TCTN1: variants seen among roughly 807,000 people sequenced by gnomAD.
The protein encoded by TCTN1 is tectonic family member 1.
In TCTN1, 58 loss-of-function variants were observed where a neutral mutation model predicts 65.8. The ratio of observed to expected loss-of-function variants is 0.88; its 90% confidence interval spans 0.71 to 1.10. The LOEUF (loss-of-function observed/expected upper bound fraction) is 1.10, where lower values mean the gene tolerates loss of function less well. Among genes scored for constraint, TCTN1 ranks in the 50% least tolerant of loss-of-function variants. TCTN1 has a pLI of 0.00. For synonymous variants in TCTN1, 273 were observed against 289.1 expected (o/e 0.94, Z 0.57); for missense variants, 645 against 719.4 (o/e 0.90, Z 1.18).
chr12:110,615,312 C>T (rs975019850), intron 1 of TCTN1, among the ~76,000 whole-genome samples: 2 of 152,084 alleles, frequency 1.3e-5, no homozygotes, highest in African/African-American at 4.8e-5. Context: ...ATGACTGTGA[C>T]CCGCTAAGAT....
At chr12:110,629,014 G>A in intron 4 of TCTN1, 96 bp downstream of exon 4, 2 of 1,415,914 alleles carry the variant, frequency 1.4e-6, no homozygotes, top group African/African-American at 2.8e-5. Context: ...GGTTCCTTGA[G>A]ACAGAGTTGA....
intron 4 of TCTN1, among the ~76,000 whole-genome samples, chr12:110,630,685 A>G (rs1307718726): frequency 6.6e-6 from 1 of 152,204 alleles, no homozygotes; most frequent in East Asian, 1.9e-4. Context: ...AAATATGTCT[A>G]TTATAATGTA....
intron 1 of TCTN1, among the ~76,000 whole-genome samples, chr12:110,619,406 C>G (rs2065264968): frequency 6.6e-6 from 1 of 152,112 alleles, no homozygotes; most frequent in Non-Finnish European, 1.5e-5. Flanking sequence ...GTGGGCCCTT[C>G]CTCTGAATCG....
Position 110,644,865 on chromosome 12 carries a change from C to T in TCTN1, c.1332-102C>T. ...TGGGCATCAGAGTGAGACCTTATCT[C>T]AAAAATAAATAAACAAAGGGAAGGA... On this transcript the variant is annotated intron_variant, in intron 11 of 14. Transcript: ENST00000397659. The surrounding 1 kb of genome is among the most constrained non-coding windows in gnomAD (Gnocchi z 4.6). The T allele has an allele frequency of 2.0e-6, 3 of 1,521,568 alleles. No homozygotes were observed. Among genetic ancestry groups the T allele is most frequent in the Non-Finnish European group, 2.7e-6 (3 of 1,105,366 alleles). The allele number at this position is 1,521,568 out of a possible 1,614,324, so 94.3% of individuals were successfully genotyped here. A position where few individuals can be genotyped will look rare whatever the true frequency, so the allele number is the denominator to read the frequency against.
At chr12:110,628,228 A>T in intron 3 of TCTN1, 1 of 1,535,736 alleles carries the variant, frequency 6.5e-7, no homozygotes, top group Non-Finnish European at 8.7e-7. Context: ...TTTACTTGTA[A>T]GTGCTACAAA....
In TCTN1 at chr12:110,641,138, C is replaced by T; in HGVS notation, c.1093C>T (p.His365Tyr). The change falls in exon 9 of 15, where the codon CAT (histidine) becomes TAT (tyrosine). Residue 365 changes from histidine (H) to tyrosine (Y), a missense_variant. Transcript: ENST00000397659. Reference protein sequence around the residue: ...VVPLQQKFEIHFLQENTQPVP... With the variant: ...VVPLQQKFEIYFLQENTQPVP... ...CCCACTGCAGCAAAAGTTTGAAATT[C>T]ATTTTCTTCAGGTAAGGTTGATCAA... is the stretch of plus-strand genomic sequence containing the variant. 1 of 1,614,190 alleles carries T rather than the reference C, an allele frequency of 6.2e-7. No individual in the cohort carries two copies. The highest frequency in any genetic ancestry group is 1.1e-5 in the South Asian group (1 of 91,084).
At chr12:110,635,834 T>C (rs780937496) in intron 6 of TCTN1, 2 of 152,846 alleles carry the variant, frequency 1.3e-5, no homozygotes, top group Non-Finnish European at 2.9e-5. Flanking sequence ...CTCTCTTGTG[T>C]AAGTCAGCCA....
chr12:110,632,656 A>G, intron 5 of TCTN1, 97 bp downstream of exon 5: 1 of 1,258,650 alleles, frequency 7.9e-7, no homozygotes, highest in Non-Finnish European at 1.2e-6. Context: ...AGTAATGACC[A>G]AAATCGCAAT....
At position 110,647,271 on chromosome 12, in the gene TCTN1, C is replaced by T; in HGVS notation, c.1570C>T (p.Leu524=). The change falls in exon 13 of 15, where the codon CTG becomes TTG. Residue 524 remains leucine, a synonymous_variant. Transcript: ENST00000397659. ...AGTGAAGTGGACTAAATACGGATCC[C>T]TGCTGAATCCACAGGCCAAAATAGT... ...IEVKWTKYGS[L]LNPQAKIVNV... 2.5e-6 allele frequency: 4 copies of T among 1,614,174 alleles called. No individual in the cohort carries two copies. Among genetic ancestry groups the T allele is most frequent in the African/African-American group, 2.7e-5 (2 of 75,048 alleles).
chr12:110,645,239 G>A (rs2067220360), intron 12 of TCTN1, 110 bp downstream of exon 12: 1 of 1,427,334 alleles, frequency 7.0e-7, no homozygotes, highest in African/African-American at 1.4e-5. Flanking sequence ...GCCCTGAGTG[G>A]GAGCGCGGGC....
At chr12:110,635,808 C>T (rs1194024004) in intron 6 of TCTN1, 1 of 152,588 alleles carries the variant, frequency 6.6e-6, no homozygotes, top group Non-Finnish European at 1.5e-5. Flanking sequence ...TCCCTCTCCC[C>T]TCATTTTCTC....
chr12:110,647,881 C>A lies in TCTN1; in HGVS notation c.1768C>A (p.Pro590Thr). Residue 590 changes from proline to threonine, a missense_variant, in exon 14 of 15, where the codon CCG (proline) becomes ACG (threonine). Physicochemically the swap from Pro to Thr is conservative, Grantham distance 38 (BLOSUM62 -1). Coordinates refer to ENST00000397659, the MANE Select transcript of TCTN1 (RefSeq NM_001082538.3). ...CAGGCTGCCCTTTAACTTCTTCTTC[C>A]CGTTTGTTTGACGTAAGTGAGGAAA... Reference protein sequence around the residue: ...NARLPFNFFFPFV With the variant: ...NARLPFNFFFTFV 1 of 1,613,686 alleles carries A rather than the reference C, an allele frequency of 6.2e-7. No homozygotes were observed. The highest frequency in any genetic ancestry group is 8.5e-7 in the Non-Finnish European group (1 of 1,180,038).
chr12:110,630,664 T>G (rs970903874), intron 4 of TCTN1, among the ~76,000 whole-genome samples: 1 of 152,242 alleles, frequency 6.6e-6, no homozygotes, highest in Admixed American at 6.5e-5. Flanking sequence ...TGTGTATTCT[T>G]CCTGATTTTT....
chr12:110,628,649 A>G, intron 3 of TCTN1, 118 bp from the exon 4 acceptor site: 4 of 936,752 alleles, frequency 4.3e-6, no homozygotes, highest in African/African-American at 1.7e-5. Context: ...CCAAGACACT[A>G]TTTGTTTTTT....
rs927556223 is a variant in TCTN1, at chr12:110,633,886, A to G, written c.713-784A>G. On this transcript the variant is annotated intron_variant, in intron 5 of 14. Coordinates refer to ENST00000397659, the MANE Select transcript of TCTN1 (RefSeq NM_001082538.3). ...ATGTGCTCTTCAACCCAGCTGTTCT[A>G]CTTCCAGGAGTTGATCCTACAGAAA... 2.0e-5 allele frequency among the ~76,000 whole-genome samples: 3 copies of G among 152,196 alleles called. No individual in the cohort carries two copies. The East Asian group carries it at 5.8e-4, about 29-fold the overall frequency.
chr12:110,635,317 A>G (rs2066486679), intron 6 of TCTN1, among the ~76,000 whole-genome samples: 1 of 152,196 alleles, frequency 6.6e-6, no homozygotes, highest in Non-Finnish European at 1.5e-5. Flanking sequence ...CACATGACAG[A>G]TGAGATGGAG....
intron 1 of TCTN1, among the ~76,000 whole-genome samples, chr12:110,617,296 A>G (rs1347094825): frequency 6.6e-6 from 1 of 151,588 alleles, no homozygotes; most frequent in African/African-American, 2.4e-5. Context: ...CTTCCCCTTC[A>G]CCTCACACAT....
intron 11 of TCTN1, chr12:110,643,682 T>A (rs1593368350): frequency 6.6e-6 from 1 of 152,176 alleles, no homozygotes. Context: ...CATTTACTTA[T>A]ATTATTTTTT....
chr12:110,614,375 G>T lies in TCTN1; in HGVS notation c.193G>T (p.Gly65Cys). 1 of 1,603,888 alleles carries T rather than the reference G, an allele frequency of 6.2e-7. No individual in the cohort carries two copies. The highest frequency in any genetic ancestry group is 8.5e-7 in the Non-Finnish European group (1 of 1,175,852). The change falls in exon 1 of 15, where the codon GGC becomes TGC. Residue 65 changes from glycine to cysteine, a missense_variant. Gly to Cys is a radical substitution (Grantham distance 159). Transcript: ENST00000397659. ...GTPRAPGPSSGPRPTPVTDVA... is the reference protein window; with the variant it reads ...GTPRAPGPSSCPRPTPVTDVA... ...TCCCAGGGCTCCAGGGCCCTCCTCCGGCCCCAGGCCTACCCCAGTCACGGA... is the reference window on the plus strand; with the variant it reads ...TCCCAGGGCTCCAGGGCCCTCCTCCTGCCCCAGGCCTACCCCAGTCACGGA...
Sources: allele counts gnomAD v4.1 joint callset (sites outside exome capture counted in the v4.1 genomes callset), GRCh38; gene constraint gnomAD v4.1.1; non-coding constraint Gnocchi (gnomAD v3.1); transcripts MANE v1.5; gene names NCBI Gene and HGNC (gene_info 2026-07-23, HGNC 2026-07-21).